LOC400499: variants seen among roughly 807,000 people sequenced by gnomAD.
chr16:11,390,024 T>C, the LOC400499 span: 1 of 909,026 alleles, frequency 1.1e-6, no homozygotes, highest in Non-Finnish European at 1.4e-6. Context: ...AGTCAGTGTG[T>C]CGGAAGGTGT....
chr16:11,470,968 G>A, the LOC400499 span, among the ~76,000 whole-genome samples: 11 of 152,264 alleles, frequency 7.2e-5, no homozygotes, highest in African/African-American at 2.2e-4. Flanking sequence ...AGGGGCCAGT[G>A]TGTCTTCAGG....
At chr16:11,430,467 G>A in the LOC400499 span, among the ~76,000 whole-genome samples, 1 of 151,968 alleles carries the variant, frequency 6.6e-6, no homozygotes, top group Non-Finnish European at 1.5e-5. Context: ...TCCAGCCTGG[G>A]GGACAAGAGC....
At chr16:11,444,612 A>G in the LOC400499 span, among the ~76,000 whole-genome samples, 14 of 152,316 alleles carry the variant, frequency 9.2e-5, no homozygotes, top group African/African-American at 2.6e-4. Context: ...GGTTCTTTCC[A>G]GAAAAGTTTG....
the LOC400499 span, chr16:11,460,991 A>G: frequency 4.0e-5 from 62 of 1,535,548 alleles, 1 homozygote; most frequent in Non-Finnish European, 1.7e-6. Context: ...ATCCTCAGGG[A>G]GTTGGTCCAG....
chr16:11,374,117 A>G, the LOC400499 span, among the ~76,000 whole-genome samples: 1 of 152,238 alleles, frequency 6.6e-6, no homozygotes, highest in Admixed American at 6.5e-5. Flanking sequence ...AATAATTTCT[A>G]GTTCCCTGCT....
chr16:11,430,425 G>A, the LOC400499 span, among the ~76,000 whole-genome samples: 1 of 152,166 alleles, frequency 6.6e-6, no homozygotes, highest in Non-Finnish European at 1.5e-5. Flanking sequence ...GGGAGGCGGA[G>A]GTTGCAGTGA....
chr16:11,505,376 G>T, the LOC400499 span, among the ~76,000 whole-genome samples: 2 of 150,618 alleles, frequency 1.3e-5, no homozygotes, highest in Non-Finnish European at 2.9e-5. Flanking sequence ...AGGTAGTCAT[G>T]GTTGGGAGTA....
chr16:11,417,103 T>C, the LOC400499 span, among the ~76,000 whole-genome samples: 1 of 147,474 alleles, frequency 6.8e-6, no homozygotes, highest in Non-Finnish European at 1.5e-5. Context: ...AAAAGAGATA[T>C]TGAAGTCCCA....
At chr16:11,487,886 G>T in the LOC400499 span, among the ~76,000 whole-genome samples, 1 of 152,102 alleles carries the variant, frequency 6.6e-6, no homozygotes, top group African/African-American at 2.4e-5. Flanking sequence ...GGCCGAGGTA[G>T]GCAAATCACT....
At chr16:11,509,115 T>G in the LOC400499 span, among the ~76,000 whole-genome samples, 2 of 105,720 alleles carry the variant, frequency 1.9e-5, no homozygotes, top group African/African-American at 6.6e-5. Context: ...AGTATCCTTT[T>G]TTTTCTTTTT....
At chr16:11,438,007 C>T in the LOC400499 span, among the ~76,000 whole-genome samples, 3 of 152,202 alleles carry the variant, frequency 2.0e-5, no homozygotes, top group South Asian at 2.1e-4. Flanking sequence ...TGGGTTCCCA[C>T]CCAAGATCTT....
At chr16:11,403,033 C>T in the LOC400499 span, among the ~76,000 whole-genome samples, 4 of 152,050 alleles carry the variant, frequency 2.6e-5, no homozygotes, top group South Asian at 2.1e-4. Context: ...CTCCACACCC[C>T]GGGTTTTCTT....
the LOC400499 span, among the ~76,000 whole-genome samples, chr16:11,375,732 A>ATT: frequency 8.4e-5 from 11 of 130,652 alleles, no homozygotes; most frequent in African/African-American, 1.7e-4. Context: ...TCCTTTGTAC[A>ATT]TTTTTTTTTT....
the LOC400499 span, among the ~76,000 whole-genome samples, chr16:11,507,799 T>C: frequency 6.6e-6 from 1 of 152,014 alleles, no homozygotes; most frequent in African/African-American, 2.4e-5. Context: ...CCAGGTGTGG[T>C]GGCATGCCCC....
chr16:11,383,959 C>G, the LOC400499 span: 15 of 1,231,888 alleles, frequency 1.2e-5, no homozygotes, highest in Non-Finnish European at 1.5e-5. Context: ...CTGTCCCGGG[C>G]AGGCCTGCTC....
chr16:11,516,376 G>T, the LOC400499 span: 1 of 398,730 alleles, frequency 2.5e-6, no homozygotes, highest in Non-Finnish European at 4.4e-6. Flanking sequence ...ACTGCCAGAG[G>T]CCACAGCATC....
the LOC400499 span, chr16:11,440,777 A>C: frequency 2.5e-6 from 1 of 398,920 alleles, no homozygotes; most frequent in Admixed American, 4.4e-5. Context: ...CCAAAGTTGA[A>C]TGTTCCTTGG....
At chr16:11,385,380 G>T in the LOC400499 span, 2 of 1,232,180 alleles carry the variant, frequency 1.6e-6, no homozygotes, top group Non-Finnish European at 2.0e-6. Flanking sequence ...GCCGTCGAAG[G>T]TCACCACGTG....
At chr16:11,410,951 T>C in the LOC400499 span, among the ~76,000 whole-genome samples, 2 of 152,216 alleles carry the variant, frequency 1.3e-5, no homozygotes, top group Non-Finnish European at 2.9e-5. Flanking sequence ...TCTACAAGTG[T>C]GCCAGGCTGG....
Sources: allele counts gnomAD v4.1 joint callset (sites outside exome capture counted in the v4.1 genomes callset), GRCh38; gene constraint gnomAD v4.1.1; transcripts MANE v1.5.